The following CCDC144A variants were observed in gnomAD, a reference collection of about 807,000 sequenced individuals.
CCDC144A encodes the protein coiled-coil domain containing 144A, also known as coiled-coil domain-containing protein 144A.
A neutral mutation model predicts 143.8 loss-of-function variants in CCDC144A; 41 were observed. That is an observed-to-expected ratio of 0.29 (90% CI 0.22 to 0.37). CCDC144A has a LOEUF of 0.37. CCDC144A is among the 10% of genes least tolerant of loss of function. The pLI, the probability that CCDC144A is intolerant of heterozygous loss-of-function variation, is 1.00. For synonymous variants in CCDC144A, 242 were observed against 517.9 expected (o/e 0.47, Z 7.23); for missense variants, 637 against 1,488.8 (o/e 0.43, Z 9.41).
At chr17:16,698,490 G>T (rs1302563727) in intron 2 of CCDC144A, among the ~76,000 whole-genome samples, 14 of 152,324 alleles carry the variant, frequency 9.2e-5, no homozygotes, top group South Asian at 2.1e-4. Flanking sequence ...CCTAACTTTT[G>T]TAACTGCAGC....
chr17:16,717,921 G>C (rs916087700), intron 6 of CCDC144A, among the ~76,000 whole-genome samples: 1 of 152,178 alleles, frequency 6.6e-6, no homozygotes, highest in African/African-American at 2.4e-5. Context: ...AATAATCTCT[G>C]ATTACGCCAG....
intron 12 of CCDC144A, among the ~76,000 whole-genome samples, chr17:16,754,583 T>C (rs1360880502): frequency 1.3e-5 from 2 of 152,272 alleles, no homozygotes; most frequent in African/African-American, 2.4e-5. Flanking sequence ...TTGTCGTTAC[T>C]GATTTCCATT....
chr17:16,715,109 T>C (rs1395915313), intron 6 of CCDC144A, among the ~76,000 whole-genome samples: 1 of 151,456 alleles, frequency 6.6e-6, no homozygotes, highest in Non-Finnish European at 1.5e-5. Flanking sequence ...TTTCCTGCTT[T>C]AGTTTTTCTC....
chr17:16,747,835 G>A (rs1180216862), intron 12 of CCDC144A, among the ~76,000 whole-genome samples: 1 of 152,124 alleles, frequency 6.6e-6, no homozygotes, highest in Non-Finnish European at 1.5e-5. Flanking sequence ...AAACTCTAGA[G>A]TTTTTTAGGT....
upstream of CCDC144A, among the ~76,000 whole-genome samples, chr17:16,688,733 C>T (rs1197304874): frequency 6.6e-6 from 1 of 152,104 alleles, no homozygotes; most frequent in Non-Finnish European, 1.5e-5. Context: ...CATGATCTAC[C>T]TGCCTCTGCC....
intron 5 of CCDC144A, among the ~76,000 whole-genome samples, chr17:16,711,145 A>ACAAAAAAC (rs1555531720): frequency 7.5e-6 from 1 of 133,498 alleles, no homozygotes; most frequent in East Asian, 2.2e-4. Context: ...TGAAAAAAAA[A>ACAAAAAAC]AAAAAAAAAA....
At chr17:16,729,552 C>CCTTTT (rs892185230) in intron 9 of CCDC144A, among the ~76,000 whole-genome samples, 16 of 151,898 alleles carry the variant, frequency 1.1e-4, no homozygotes, top group African/African-American at 2.2e-4. Context: ...TGTGCAGAAG[C>CCTTTT]CTTTTCTTTT....
chr17:16,750,228 ATTG>A (rs1470114222), intron 12 of CCDC144A, among the ~76,000 whole-genome samples: 1 of 151,634 alleles, frequency 6.6e-6, no homozygotes, highest in East Asian at 1.9e-4. Flanking sequence ...GGTAGTGGGT[ATTG>A]TTCTTTCTTT....
At chr17:16,684,181 G>A in the CCDC144A span, 1 of 1,060,474 alleles carries the variant, frequency 9.4e-7, no homozygotes, top group East Asian at 2.4e-5. Flanking sequence ...TCAACAAAGA[G>A]GACTTCGTGG....
At chr17:16,737,190 G>A (rs1914053265) in intron 12 of CCDC144A, among the ~76,000 whole-genome samples, 1 of 123,082 alleles carries the variant, frequency 8.1e-6, no homozygotes, top group Non-Finnish European at 1.6e-5. Flanking sequence ...TTTTTGAGAC[G>A]GAGTCTCGCT....
intron 12 of CCDC144A, among the ~76,000 whole-genome samples, chr17:16,736,862 C>T (rs961606703): frequency 6.6e-6 from 1 of 151,858 alleles, no homozygotes; most frequent in African/African-American, 2.4e-5. Context: ...ATTTGAGCTT[C>T]TAATAAAAAA....
At chr17:16,691,004 C>A (rs946777807) in intron 1 of CCDC144A, among the ~76,000 whole-genome samples, 5 of 151,930 alleles carry the variant, frequency 3.3e-5, no homozygotes, top group South Asian at 2.1e-4. Context: ...AGCTGAATAC[C>A]TATTATACAG....
At chr17:16,688,521 G>T (rs2089424574), upstream of CCDC144A, among the ~76,000 whole-genome samples, 1 of 113,874 alleles carries the variant, frequency 8.8e-6, no homozygotes, top group African/African-American at 3.4e-5. Context: ...ATGGAGTCTA[G>T]CCCTGTCGCC....
chr17:16,723,133 T>C (rs1364330825), intron 8 of CCDC144A, among the ~76,000 whole-genome samples: 1 of 152,030 alleles, frequency 6.6e-6, no homozygotes, highest in Non-Finnish European at 1.5e-5. Context: ...TATCTGGGCC[T>C]GGAGTTTTCT....
intron 8 of CCDC144A, among the ~76,000 whole-genome samples, chr17:16,722,632 T>TA (rs1913158107): frequency 1.3e-5 from 2 of 152,208 alleles, no homozygotes; most frequent in Non-Finnish European, 2.9e-5. Flanking sequence ...TTATTCAAAG[T>TA]AATTTCAGAG....
chr17:16,746,352 G>T (rs1416802210), intron 12 of CCDC144A: 31 of 1,044,786 alleles, frequency 3.0e-5, no homozygotes, highest in South Asian at 2.7e-4. Flanking sequence ...TCTCTCCTCC[G>T]TTCTTCTCGC....
the CCDC144A span, among the ~76,000 whole-genome samples, chr17:16,682,940 A>C: frequency 0.37 from 40,721 of 110,776 alleles, 8,325 homozygotes; most frequent in East Asian, 0.58. Context: ...CTTGCTCTGT[A>C]ACGCAGGCTG....
intron 2 of CCDC144A, among the ~76,000 whole-genome samples, chr17:16,703,606 C>A (rs1368044558): frequency 6.6e-6 from 1 of 152,136 alleles, no homozygotes; most frequent in Non-Finnish European, 1.5e-5. Context: ...AGATCGAGAC[C>A]ATCCTGGCTA....
At chr17:16,680,459 G>A in the CCDC144A span, among the ~76,000 whole-genome samples, 1 of 151,698 alleles carries the variant, frequency 6.6e-6, no homozygotes. Flanking sequence ...GTTGATGTAA[G>A]ATAGATAAAT....
Sources: gnomAD v4.1 joint callset for allele counts (sites outside exome capture counted in the v4.1 genomes callset) on GRCh38, gnomAD v4.1.1 for gene constraint, MANE v1.5 for transcripts, NCBI Gene and HGNC (gene_info 2026-07-23, HGNC 2026-07-21) for gene names.